The following CARD8 variants were observed in gnomAD, a reference collection of about 807,000 sequenced individuals.
CARD8 encodes caspase recruitment domain-containing protein 8.
Under a neutral mutation model 53.2 loss-of-function variants are expected in CARD8, and 38 were observed. That is an observed-to-expected ratio of 0.71 (90% CI 0.55 to 0.94). The LOEUF is 0.94. Ranked by LOEUF, CARD8 falls within the 40% of genes least tolerant of loss-of-function variation. CARD8 has a pLI of 0.00. For synonymous variants in CARD8, 245 were observed against 244.9 expected, an observed-to-expected ratio of 1.00 and a Z score of 0.00; for missense variants, 561 against 655.5, an observed-to-expected ratio of 0.86 and a Z score of 1.57.
At chr19:48,233,321 T>C (rs2043251921) in intron 6 of CARD8, 1 of 456,152 alleles carries the variant, frequency 2.2e-6, no homozygotes, top group African/African-American at 2.0e-5. Flanking sequence ...CTTTGATCCA[T>C]TCCTTGAGAT....
rs763377400 is a variant in CARD8, at chr19:48,231,912, A to C, written c.392-102T>G. On this transcript the variant is annotated intron_variant, in intron 7 of 13. Transcript: ENST00000651546. ...TTGCACAGGTGCTGTTGGGATACAG[A>C]TATCGAATGAGAGCTGAGAGTGACC... is the stretch of plus-strand genomic sequence containing the variant. 4.0e-5 allele frequency: 40 copies of C among 1,006,830 alleles called. No homozygotes were observed. The African/African-American group carries it at 6.4e-4, about 16-fold the overall frequency. The allele number at this position is 1,006,830 out of a possible 1,614,324, so 62.4% of individuals were successfully genotyped here.
chr19:48,215,538 T>A (rs1047579002), intron 12 of CARD8, among the ~76,000 whole-genome samples, 154 bp from the exon 13 acceptor site: 1 of 152,214 alleles, frequency 6.6e-6, no homozygotes, highest in African/African-American at 2.4e-5. Flanking sequence ...GGAAACCCCA[T>A]TAAGTTGTGG....
chr19:48,235,768 T>C (rs536413752), intron 5 of CARD8, among the ~76,000 whole-genome samples: 1 of 151,900 alleles, frequency 6.6e-6, no homozygotes, highest in African/African-American at 2.4e-5. Context: ...TGAATATCTG[T>C]GAAAGCAATT....
downstream of CARD8, chr19:48,206,385 G>C: frequency 2.2e-6 from 1 of 455,704 alleles, no homozygotes; most frequent in Non-Finnish European, 4.4e-6. Context: ...AGCGCCTACC[G>C]TATTGGATAG....
At position 48,230,975 on chromosome 19, in the gene CARD8, AC is replaced by A. The variant is rs758184482; in HGVS notation, c.573del (p.Trp192GlyfsTer10). The part of the protein sequence containing the change: ...SVWFPTAGWY[L>X]WSATGLGFLV... The stretch of plus-strand genomic sequence containing the variant: ...AGGAAGCCGAGGCCTGTGGCTGACC[AC>A]AGATACCAGCCAGCAGTGGGGAACC... On this transcript the variant is annotated frameshift_variant, in exon 9 of 14. Transcript: ENST00000651546. LOFTEE classifies it high-confidence loss of function. 6.2e-7 allele frequency: 1 copy of A among 1,614,160 alleles called. No individual in the cohort carries two copies. The highest frequency in any genetic ancestry group is 8.5e-7 in the Non-Finnish European group (1 of 1,180,022).
downstream of CARD8, among the ~76,000 whole-genome samples, chr19:48,207,173 AAAAAAG>A (rs1459643106): frequency 1.4e-5 from 2 of 138,958 alleles, no homozygotes; most frequent in African/African-American, 2.7e-5. Context: ...CTCAAAAAAA[AAAAAAG>A]AAAAGAAAAG....
At chr19:48,250,951 T>C (rs1403627118) in intron 1 of CARD8, among the ~76,000 whole-genome samples, 1 of 152,220 alleles carries the variant, frequency 6.6e-6, no homozygotes, top group African/African-American at 2.4e-5. Flanking sequence ...AGTTTGCATA[T>C]GGTTTTGAGC....
intron 10 of CARD8, among the ~76,000 whole-genome samples, chr19:48,225,922 G>A (rs541019518): frequency 2.3e-4 from 35 of 152,076 alleles, no homozygotes; most frequent in African/African-American, 6.7e-4. Flanking sequence ...GCATGGTGGC[G>A]TGCGCCTATA....
intron 3 of CARD8, among the ~76,000 whole-genome samples, chr19:48,242,819 T>C (rs1025346324): frequency 6.6e-6 from 1 of 152,150 alleles, no homozygotes; most frequent in Non-Finnish European, 1.5e-5. Context: ...CCGTGCTCGC[T>C]TCGGCAGCAC....
At chr19:48,237,778 C>G (rs886452551) in intron 5 of CARD8, among the ~76,000 whole-genome samples, 11 of 150,880 alleles carry the variant, frequency 7.3e-5, no homozygotes, top group Non-Finnish European at 1.3e-4. Context: ...GCCTGGGCAA[C>G]AGAGCAAGAC....
intron 11 of CARD8, among the ~76,000 whole-genome samples, 174 bp from the exon 12 acceptor site, chr19:48,219,186 C>T (rs1057170715): frequency 6.6e-6 from 1 of 152,138 alleles, no homozygotes; most frequent in Non-Finnish European, 1.5e-5. Flanking sequence ...TTAGGAAATG[C>T]TTTTATACCA....
intron 4 of CARD8, among the ~76,000 whole-genome samples, chr19:48,240,479 T>A (rs571738053): frequency 9.2e-5 from 14 of 152,008 alleles, no homozygotes; most frequent in African/African-American, 2.9e-4. Context: ...GTCTAAAAAG[T>A]ACACCTGGGC....
chr19:48,232,434 C>T lies in CARD8; in HGVS notation c.391+19G>A. The T allele has an allele frequency of 6.5e-7, 1 of 1,532,626 alleles. No individual in the cohort carries two copies. Among genetic ancestry groups the T allele is most frequent in the Admixed American group, 2.0e-5 (1 of 51,004 alleles). The allele number at this position is 1,532,626 out of a possible 1,614,324, so 94.9% of individuals were successfully genotyped here. ...ATCAATCCACACGCCCTTCACTCCT[C>T]TCCCTATTAGCCCATTACCTGAATC... On this transcript the variant is annotated intron_variant, in intron 7 of 13. Coordinates refer to ENST00000651546, the MANE Select transcript of CARD8 (RefSeq NM_001184900.3).
Position 48,210,825 on chromosome 19 carries a change from TA to T in CARD8, c.*884del. 2 of 151,288 alleles carry T rather than the reference TA, an allele frequency of 1.3e-5. No homozygotes were observed. Among genetic ancestry groups the T allele is most frequent in the East Asian group, 3.8e-4 (2 of 5,328 alleles). 9.4% of individuals were successfully genotyped at this position (151,288 alleles called of 1,614,324 possible). On this transcript the variant is annotated 3_prime_UTR_variant, in exon 14 of 14. Transcript: ENST00000651546. ...GAACTTGTTTTAAACAGATTAAACATAAAAGGATGGAAATATGTGTGCCACG... is the reference window on the plus strand; with the variant it reads ...GAACTTGTTTTAAACAGATTAAACATAAAGGATGGAAATATGTGTGCCACG...
chr19:48,223,755 T>C (rs1442756441), intron 10 of CARD8: 1 of 438,700 alleles, frequency 2.3e-6, no homozygotes, highest in Non-Finnish European at 4.5e-6. Context: ...TTATTTGTTA[T>C]AGTTCTTATC....
chr19:48,221,182 T>G (rs983365508), intron 11 of CARD8, among the ~76,000 whole-genome samples: 67 of 152,302 alleles, frequency 4.4e-4, no homozygotes, highest in African/African-American at 1.6e-3. Flanking sequence ...ATGGAAAGAC[T>G]TCTTGCCAGG....
At chr19:48,204,497 GCAGTAGGATC>G (rs1485708219), downstream of CARD8, among the ~76,000 whole-genome samples, 2 of 152,076 alleles carry the variant, frequency 1.3e-5, no homozygotes, top group Non-Finnish European at 2.9e-5. Flanking sequence ...AAGTGGAAAC[GCAGTAGGATC>G]CGCCCGCCTC....
At chr19:48,253,845 A>G (rs2047244173) in intron 1 of CARD8, among the ~76,000 whole-genome samples, 1 of 152,210 alleles carries the variant, frequency 6.6e-6, no homozygotes, top group South Asian at 2.1e-4. Flanking sequence ...AATCTGTTCA[A>G]TAGTCTTTCA....
At position 48,211,693 on chromosome 19, in the gene CARD8, T is replaced by C. The variant is rs1383303741; in HGVS notation, c.*17A>G. On this transcript the variant is annotated 3_prime_UTR_variant, in exon 14 of 14. Coordinates refer to ENST00000651546, the MANE Select transcript of CARD8 (RefSeq NM_001184900.3). ...GAACGCTGGATTCTCTCTTCCAGAC[T>C]ACCTAACTGACTCATTTTACAAATT... 1 of 1,610,316 alleles carries C rather than the reference T, an allele frequency of 6.2e-7. No individual in the cohort carries two copies. The highest frequency in any genetic ancestry group is 2.2e-5 in the East Asian group (1 of 44,862).
Sources: allele counts gnomAD v4.1 joint callset (sites outside exome capture counted in the v4.1 genomes callset), GRCh38; gene constraint gnomAD v4.1.1; transcripts MANE v1.5; gene names NCBI Gene and HGNC (gene_info 2026-07-23, HGNC 2026-07-21).